FALEC: variants seen among roughly 807,000 people sequenced by gnomAD.
The protein encoded by FALEC is focally amplified lncRNA on chromosome 1.
chr1:150,529,016 C>CAAAAAAAAAAAAAAAAAAAA, the FALEC span, among the ~76,000 whole-genome samples: 154 of 59,214 alleles, frequency 2.6e-3, 3 homozygotes, highest in African/African-American at 3.5e-3. Context: ...AAATAAATAG[C>CAAAAAAAAAAAAAAAAAAAA]AAAAAAAAAA....
At chr1:150,522,123 T>G (rs1437935955), downstream of FALEC, among the ~76,000 whole-genome samples, 1 of 151,814 alleles carries the variant, frequency 6.6e-6, no homozygotes, top group African/African-American at 2.4e-5. Flanking sequence ...GGCCTGTGCC[T>G]GTAATCCCAG....
chr1:150,523,356 A>T, the FALEC span, among the ~76,000 whole-genome samples: 6 of 151,382 alleles, frequency 4.0e-5, no homozygotes, highest in African/African-American at 1.5e-4. Context: ...AAATTTTTTT[A>T]AATTACATAT....
downstream of FALEC, among the ~76,000 whole-genome samples, chr1:150,520,175 A>G (rs1368223205): frequency 3.9e-5 from 6 of 152,186 alleles, no homozygotes; most frequent in East Asian, 7.7e-4. Context: ...AAACAAATGT[A>G]TGACAAAATT....
the FALEC span, among the ~76,000 whole-genome samples, chr1:150,526,506 C>T: frequency 1.2e-4 from 19 of 152,058 alleles, no homozygotes; most frequent in African/African-American, 4.1e-4. Flanking sequence ...GCGAGTATGT[C>T]GCTGTTATCT....
At chr1:150,534,260 G>A in the FALEC span, among the ~76,000 whole-genome samples, 1 of 152,192 alleles carries the variant, frequency 6.6e-6, no homozygotes, top group Non-Finnish European at 1.5e-5. Context: ...CTGCAGGTGT[G>A]GGCTGCACTG....
chr1:150,528,579 A>G, the FALEC span, among the ~76,000 whole-genome samples: 1 of 150,904 alleles, frequency 6.6e-6, no homozygotes, highest in Non-Finnish European at 1.5e-5. Context: ...TATTATTACT[A>G]TTAATTTTTT....
At chr1:150,529,690 C>T in the FALEC span, among the ~76,000 whole-genome samples, 4 of 151,964 alleles carry the variant, frequency 2.6e-5, no homozygotes, top group Non-Finnish European at 4.4e-5. Flanking sequence ...CTCCGCCTCC[C>T]GGGTTCACGC....
the FALEC span, among the ~76,000 whole-genome samples, chr1:150,529,016 C>CAAAAAAAAAAAAAAAAAAACAAAAA: frequency 1.7e-5 from 1 of 59,292 alleles, no homozygotes; most frequent in Non-Finnish European, 3.0e-5. Flanking sequence ...AAATAAATAG[C>CAAAAAAAAAAAAAAAAAAACAAAAA]AAAAAAAAAA....
chr1:150,522,244 C>CAA (rs60709164), downstream of FALEC, among the ~76,000 whole-genome samples: 7 of 119,052 alleles, frequency 5.9e-5, no homozygotes, highest in East Asian at 2.6e-4. Context: ...GAGACTGTCT[C>CAA]AAAAAAAAAA....
chr1:150,533,279 G>A, the FALEC span, among the ~76,000 whole-genome samples: 1 of 152,186 alleles, frequency 6.6e-6, no homozygotes, highest in East Asian at 1.9e-4. Context: ...GGACGGCCTT[G>A]AGGGGATGGA....
At chr1:150,522,495 T>C (rs1670656451), downstream of FALEC, among the ~76,000 whole-genome samples, 4 of 151,580 alleles carry the variant, frequency 2.6e-5, no homozygotes, top group South Asian at 6.3e-4. Context: ...TAGCGGTGCA[T>C]GCCTGTAGTC....
At chr1:150,519,067 C>A (rs1056976993), downstream of FALEC, among the ~76,000 whole-genome samples, 2 of 152,198 alleles carry the variant, frequency 1.3e-5, no homozygotes, top group Non-Finnish European at 2.9e-5. Context: ...AACAAACAAA[C>A]AAATTAATAA....
downstream of FALEC, among the ~76,000 whole-genome samples, chr1:150,522,947 GTGTATATATATATATATA>G (rs1338350881): frequency 9.4e-4 from 13 of 13,862 alleles, 1 homozygote; most frequent in Admixed American, 6.0e-3. Context: ...GTGTGTGTGT[GTGTATATATATATATATA>G]TATATATATA....
chr1:150,526,047 A>T, the FALEC span, among the ~76,000 whole-genome samples: 2 of 152,204 alleles, frequency 1.3e-5, no homozygotes, highest in Non-Finnish European at 2.9e-5. Flanking sequence ...AGCATGCATC[A>T]GTACTTCATT....
At chr1:150,531,096 A>G in the FALEC span, among the ~76,000 whole-genome samples, 1 of 152,226 alleles carries the variant, frequency 6.6e-6, no homozygotes, top group Non-Finnish European at 1.5e-5. Context: ...CCACTATTCC[A>G]AGGCATTCAC....
the FALEC span, among the ~76,000 whole-genome samples, chr1:150,535,469 C>T: frequency 4.6e-5 from 7 of 152,328 alleles, no homozygotes; most frequent in East Asian, 7.7e-4. Flanking sequence ...ATCTCGAACT[C>T]GTGAGCTCAT....
the FALEC span, among the ~76,000 whole-genome samples, chr1:150,536,034 A>G: frequency 6.6e-6 from 1 of 152,204 alleles, no homozygotes; most frequent in Admixed American, 6.5e-5. Flanking sequence ...CAGTACTGAA[A>G]AGTTAATAAC....
chr1:150,518,123 A>G (rs1670594687), downstream of FALEC: 1 of 152,208 alleles, frequency 6.6e-6, no homozygotes, highest in Non-Finnish European at 1.5e-5. Flanking sequence ...GTTAGGTGGT[A>G]GGTATATGGT....
At chr1:150,530,576 C>G in the FALEC span, among the ~76,000 whole-genome samples, 1 of 152,174 alleles carries the variant, frequency 6.6e-6, no homozygotes, top group African/African-American at 2.4e-5. Flanking sequence ...GGCCCAAATT[C>G]AGGCTCCTCA....
Sources: gnomAD v4.1 joint callset for allele counts (sites outside exome capture counted in the v4.1 genomes callset) on GRCh38, gnomAD v4.1.1 for gene constraint, MANE v1.5 for transcripts, NCBI Gene and HGNC (gene_info 2026-07-23, HGNC 2026-07-21) for gene names.